The following MIR2052HG variants were observed in gnomAD, a reference collection of about 807,000 sequenced individuals.
MIR2052HG encodes MIR2052 host gene.
chr8:74,737,783 CTT>C (rs1431848831), intron 4 of MIR2052HG, among the ~76,000 whole-genome samples: 1 of 152,088 alleles, frequency 6.6e-6, no homozygotes, highest in African/African-American at 2.4e-5. Context: ...AATCTTCAGA[CTT>C]TTGTTTTTGT....
intron 2 of MIR2052HG, among the ~76,000 whole-genome samples, chr8:74,637,441 A>G (rs1368264901): frequency 1.3e-5 from 2 of 152,208 alleles, no homozygotes; most frequent in Non-Finnish European, 2.9e-5. Flanking sequence ...GCACACACAC[A>G]CACACACGAT....
chr8:74,653,809 A>G (rs1035693313), intron 2 of MIR2052HG, among the ~76,000 whole-genome samples: 1 of 152,242 alleles, frequency 6.6e-6, no homozygotes, highest in South Asian at 2.1e-4. Flanking sequence ...AATTACATGT[A>G]CCCATAATGT....
chr8:74,733,594 C>T (rs1292655498), intron 4 of MIR2052HG, among the ~76,000 whole-genome samples: 1 of 144,060 alleles, frequency 6.9e-6, no homozygotes, highest in Non-Finnish European at 1.5e-5. Context: ...TGGGTATATA[C>T]CCAGTAATGG....
chr8:74,747,659 A>G (rs1252042908), intron 4 of MIR2052HG, among the ~76,000 whole-genome samples: 1 of 152,208 alleles, frequency 6.6e-6, no homozygotes. Flanking sequence ...CACAAGAGTG[A>G]CATTCTTGGT....
chr8:74,711,920 T>C (rs1809471876), intron 4 of MIR2052HG, among the ~76,000 whole-genome samples: 1 of 152,164 alleles, frequency 6.6e-6, no homozygotes, highest in African/African-American at 2.4e-5. Context: ...CTGAATGCAC[T>C]GCAACATGGC....
At chr8:74,689,307 A>G (rs1435514418) in intron 2 of MIR2052HG, among the ~76,000 whole-genome samples, 1 of 152,222 alleles carries the variant, frequency 6.6e-6, no homozygotes, top group South Asian at 2.1e-4. Context: ...TAATTAAAGA[A>G]TGAAAAATGT....
chr8:74,702,724 C>A lies in MIR2052HG; in HGVS notation n.294+268C>A, dbSNP rs74596130. Among the ~76,000 whole-genome samples, 996 of 152,204 alleles carry A rather than the reference C, an allele frequency of 6.5e-3. 6 individuals carry two copies. Among genetic ancestry groups the A allele is most frequent in the Non-Finnish European group, 8.6e-3 (587 of 67,980 alleles). ...AAGAAAGGAAGAGCACTACATTAGA[C>A]TGAATTTAATAATCAATTCAATCAA... is the stretch of plus-strand genomic sequence containing the variant. On this transcript the variant is annotated intron_variant and non_coding_transcript_variant, in intron 3 of 6. Coordinates refer to ENST00000523442, the Ensembl canonical transcript of MIR2052HG.
chr8:74,741,803 T>G (rs1809834611), intron 4 of MIR2052HG, among the ~76,000 whole-genome samples: 1 of 152,176 alleles, frequency 6.6e-6, no homozygotes, highest in Admixed American at 6.5e-5. Flanking sequence ...GTGGGCGCCA[T>G]TTTAAACAGT....
chr8:74,657,643 G>A (rs189507356), intron 2 of MIR2052HG, among the ~76,000 whole-genome samples: 12 of 152,286 alleles, frequency 7.9e-5, no homozygotes, highest in African/African-American at 2.4e-4. Flanking sequence ...CAATCATTGC[G>A]GAAGGTGAAA....
At chr8:74,616,504 T>C (rs1808284314) in intron 2 of MIR2052HG, among the ~76,000 whole-genome samples, 1 of 151,704 alleles carries the variant, frequency 6.6e-6, no homozygotes, top group Non-Finnish European at 1.5e-5. Context: ...ATGTCTCACC[T>C]TCCTTTCTTT....
chr8:74,727,478 C>T (rs1470627279), intron 4 of MIR2052HG, among the ~76,000 whole-genome samples: 1 of 151,684 alleles, frequency 6.6e-6, no homozygotes, highest in Non-Finnish European at 1.5e-5. Context: ...AGGTTACATT[C>T]TTAGTAGTGT....
intron 2 of MIR2052HG, among the ~76,000 whole-genome samples, chr8:74,645,520 G>A (rs1054023755): frequency 1.4e-4 from 21 of 152,156 alleles, no homozygotes; most frequent in African/African-American, 4.8e-4. Context: ...CCCAACCTCA[G>A]GTGATCTGCC....
At chr8:74,644,433 G>C (rs1248977061) in intron 2 of MIR2052HG, among the ~76,000 whole-genome samples, 2 of 152,180 alleles carry the variant, frequency 1.3e-5, no homozygotes, top group African/African-American at 4.8e-5. Flanking sequence ...GCCTCAGTGT[G>C]TAGCAGGTTA....
At chr8:74,638,973 AAC>A (rs777365173) in intron 2 of MIR2052HG, among the ~76,000 whole-genome samples, 10 of 152,200 alleles carry the variant, frequency 6.6e-5, no homozygotes, top group Non-Finnish European at 1.5e-4. Flanking sequence ...AAAACAAACA[AAC>A]AAAGCCTATA....
At chr8:74,724,073 T>G (rs1052024021) in intron 4 of MIR2052HG, among the ~76,000 whole-genome samples, 2 of 152,230 alleles carry the variant, frequency 1.3e-5, no homozygotes, top group African/African-American at 4.8e-5. Flanking sequence ...GTTTTAATTA[T>G]GCCTGTTTGT....
intron 2 of MIR2052HG, among the ~76,000 whole-genome samples, chr8:74,649,850 T>C (rs1000867746): frequency 1.3e-5 from 2 of 152,082 alleles, no homozygotes; most frequent in Non-Finnish European, 2.9e-5. Context: ...ATATTTTTTT[T>C]CAAAGAACTC....
chr8:74,670,168 G>A (rs1231743304), intron 2 of MIR2052HG, among the ~76,000 whole-genome samples: 1 of 152,068 alleles, frequency 6.6e-6, no homozygotes, highest in Non-Finnish European at 1.5e-5. Context: ...ATAAATTTTG[G>A]TTATTTAAAC....
At chr8:74,600,630 C>G (rs899085714) in intron 1 of MIR2052HG, among the ~76,000 whole-genome samples, 3 of 151,418 alleles carry the variant, frequency 2.0e-5, no homozygotes, top group South Asian at 4.2e-4. Flanking sequence ...GGCTGGAGTG[C>G]GGTGGCACAA....
intron 2 of MIR2052HG, among the ~76,000 whole-genome samples, chr8:74,618,923 G>A (rs113459736): frequency 1.3e-5 from 2 of 152,210 alleles, no homozygotes; most frequent in African/African-American, 4.8e-5. Flanking sequence ...AACTGTTGGA[G>A]CTAACAAGGA....
Sources: allele counts gnomAD v4.1 joint callset (sites outside exome capture counted in the v4.1 genomes callset), GRCh38; gene constraint gnomAD v4.1.1; transcripts MANE v1.5; gene names NCBI Gene and HGNC (gene_info 2026-07-23, HGNC 2026-07-21).